Variants in COL12A1 observed in about 807,000 individuals in gnomAD.
COL12A1 encodes collagen type XII alpha 1 chain.
In COL12A1, 114 loss-of-function variants were observed where a neutral mutation model predicts 349.7. The observed-to-expected ratio is 0.33, with a 90% CI of 0.28 to 0.38. The LOEUF (loss-of-function observed/expected upper bound fraction) is 0.38, where lower values mean the gene tolerates loss of function less well. Among genes scored for constraint, COL12A1 ranks in the 10% least tolerant of loss-of-function variants. The probability of loss-of-function intolerance (pLI) is 1.00; values close to 1 mark genes in which losing one functional copy is unlikely to be tolerated. For missense variants in COL12A1, 3,284 were observed against 3,756.9 expected (o/e 0.87, Z 3.29); for synonymous variants, 1,369 against 1,329.0 (o/e 1.03, Z -0.66).
At chr6:75,179,178 A>G (rs968582834) in intron 11 of COL12A1, among the ~76,000 whole-genome samples, 3 of 152,246 alleles carry the variant, frequency 2.0e-5, no homozygotes, top group Non-Finnish European at 4.4e-5. Context: ...TTTCTTATCA[A>G]CTAAAGCAAA....
Position 75,152,294 on chromosome 6 carries a change from T to C in COL12A1, c.3715+39A>G, listed in dbSNP as rs374745978. 1.9e-6 allele frequency: 3 copies of C among 1,613,500 alleles called. No homozygotes were observed. The African/African-American group carries it at 4.0e-5, about 22-fold the overall frequency. On this transcript the variant is annotated intron_variant, in intron 18 of 65. Transcript: ENST00000322507. ...CATTAGTGCATGTGAAAGAGAAAGA[T>C]AAAAATGTCTAAATGGCTCCAATGT...
chr6:75,175,369 A>C (rs1196161923), intron 12 of COL12A1, 59 bp from the exon 13 acceptor site: 5 of 1,558,108 alleles, frequency 3.2e-6, no homozygotes. Flanking sequence ...GACTTGAAAA[A>C]CACTTTGTTA....
intron 3 of COL12A1, 120 bp from the exon 4 acceptor site, chr6:75,192,475 G>C: frequency 1.2e-6 from 1 of 861,342 alleles, no homozygotes. Flanking sequence ...ATTTTTTCAG[G>C]ACACTCAAAC....
intron 17 of COL12A1, among the ~76,000 whole-genome samples, chr6:75,153,362 T>G (rs1193239276): frequency 6.6e-6 from 1 of 152,116 alleles, no homozygotes. Context: ...AATAAAAATA[T>G]AAGTCAGTTA....
intron 8 of COL12A1, among the ~76,000 whole-genome samples, chr6:75,187,648 T>C (rs2026387): frequency 0.013 from 1,976 of 152,178 alleles, 39 homozygotes; most frequent in African/African-American, 0.045. Context: ...GTTCAGAGAT[T>C]GAAGATTAAA....
At chr6:75,199,148 T>C (rs1187116327) in intron 2 of COL12A1, among the ~76,000 whole-genome samples, 1 of 152,176 alleles carries the variant, frequency 6.6e-6, no homozygotes, top group Non-Finnish European at 1.5e-5. Flanking sequence ...GATCAACCAG[T>C]TGTCAAGCAC....
chr6:75,151,400 G>T, intron 20 of COL12A1, 113 bp from the exon 21 acceptor site: 1 of 858,690 alleles, frequency 1.2e-6, no homozygotes, highest in Non-Finnish European at 1.8e-6. Context: ...CAACTATGAA[G>T]GTTTAATAAT....
chr6:75,098,298 C>G (rs929008561), intron 58 of COL12A1, among the ~76,000 whole-genome samples: 2 of 152,170 alleles, frequency 1.3e-5, no homozygotes, highest in African/African-American at 2.4e-5. Flanking sequence ...AACTGTCAGA[C>G]AGTTAGAGCA....
intron 1 of COL12A1, among the ~76,000 whole-genome samples, chr6:75,205,504 A>G (rs1770734805): frequency 6.6e-6 from 1 of 152,018 alleles, no homozygotes; most frequent in African/African-American, 2.4e-5. Flanking sequence ...AAACTCCTCT[A>G]GAAACGGAAA....
intron 13 of COL12A1, among the ~76,000 whole-genome samples, chr6:75,168,708 C>T (rs1768449654): frequency 6.6e-6 from 1 of 152,162 alleles, no homozygotes; most frequent in African/African-American, 2.4e-5. Context: ...TATTCTTTCC[C>T]CTTTTTGCTC....
chr6:75,178,540 C>T (rs1562284804), intron 11 of COL12A1, among the ~76,000 whole-genome samples: 1 of 152,212 alleles, frequency 6.6e-6, no homozygotes, highest in Non-Finnish European at 1.5e-5. Flanking sequence ...CTATGGGTAA[C>T]ACCCACAGAC....
At position 75,091,382 on chromosome 6, in the gene COL12A1, A is replaced by G; in HGVS notation, c.8693T>C (p.Ile2898Thr). 2 of 1,613,846 alleles carry G rather than the reference A, an allele frequency of 1.2e-6. No homozygotes were observed. The highest frequency in any genetic ancestry group is 2.2e-5 in the East Asian group (1 of 44,826). Residue 2898 changes from isoleucine (I) to threonine (T), a missense_variant, in exon 62 of 66, where the codon ATT becomes ACT. Coordinates refer to ENST00000322507, the MANE Select transcript of COL12A1 (RefSeq NM_004370.6). ...TGCTCGCATCATGTTCTGGGAAGCA[A>G]TGTCTCCCTTGTTGAATTAATGAGA... The part of the protein sequence containing the change: ...LKGEKGDRGD[I>T]ASQNMMRAVA...
intron 2 of COL12A1, among the ~76,000 whole-genome samples, chr6:75,200,071 G>C (rs1770447355): frequency 6.6e-6 from 1 of 152,128 alleles, no homozygotes; most frequent in Admixed American, 6.5e-5. Flanking sequence ...AAATGGCATG[G>C]TACCAAATGG....
At chr6:75,152,096 A>G in intron 19 of COL12A1, 35 bp downstream of exon 19, 1 of 1,613,800 alleles carries the variant, frequency 6.2e-7, no homozygotes, top group Non-Finnish European at 8.5e-7. Flanking sequence ...AACCAGAAGC[A>G]TGAGCTGAAA....
chr6:75,144,814 G>T (rs1309613214), intron 25 of COL12A1, among the ~76,000 whole-genome samples: 2 of 152,176 alleles, frequency 1.3e-5, no homozygotes. Context: ...ATATATCTTT[G>T]CATTGGGTAA....
intron 8 of COL12A1, among the ~76,000 whole-genome samples, chr6:75,186,898 A>C (rs541481241): frequency 1.3e-5 from 2 of 152,076 alleles, no homozygotes; most frequent in East Asian, 3.9e-4. Context: ...GTTCTTGCTT[A>C]TAAGTGGGGG....
intron 59 of COL12A1, 108 bp downstream of exon 59, chr6:75,097,145 A>T: frequency 1.3e-6 from 1 of 760,104 alleles, no homozygotes; most frequent in Non-Finnish European, 2.2e-6. Flanking sequence ...TCCCTCAATG[A>T]TATACTCCAC....
At chr6:75,125,034 A>G (rs1389275420) in intron 40 of COL12A1, 93 bp downstream of exon 40, 30 of 1,254,340 alleles carry the variant, frequency 2.4e-5, no homozygotes, top group Non-Finnish European at 3.0e-5. Flanking sequence ...CTGAGGAAAC[A>G]TGTATATGTT....
chr6:75,175,669 A>C (rs1416286148), intron 12 of COL12A1, among the ~76,000 whole-genome samples: 1 of 152,270 alleles, frequency 6.6e-6, no homozygotes, highest in Non-Finnish European at 1.5e-5. Flanking sequence ...TACAATGCAG[A>C]TTTTAATTCC....
Sources: allele counts gnomAD v4.1 joint callset (sites outside exome capture counted in the v4.1 genomes callset), GRCh38; gene constraint gnomAD v4.1.1; transcripts MANE v1.5; gene names NCBI Gene and HGNC (gene_info 2026-07-23, HGNC 2026-07-21).